HS3ST5: variants seen among roughly 807,000 people sequenced by gnomAD.
HS3ST5 encodes the protein heparan sulfate-glucosamine 3-sulfotransferase 5.
Under a neutral mutation model 25.4 loss-of-function variants are expected in HS3ST5, and 10 were observed. That is an observed-to-expected ratio of 0.39 (90% CI 0.24 to 0.67). The LOEUF is 0.67. HS3ST5 is among the 30% of genes least tolerant of loss of function. HS3ST5 has a pLI of 0.44. For synonymous variants in HS3ST5, 170 were observed against 162.4 expected, an observed-to-expected ratio of 1.05 and a Z score of -0.36; for missense variants, 324 against 420.7, an observed-to-expected ratio of 0.77 and a Z score of 2.01.
At chr6:114,212,301 C>G (rs1781541091) in intron 2 of HS3ST5, among the ~76,000 whole-genome samples, 1 of 152,190 alleles carries the variant, frequency 6.6e-6, no homozygotes, top group African/African-American at 2.4e-5. Flanking sequence ...AATATATTTT[C>G]TCTACAGAGA....
intron 2 of HS3ST5, among the ~76,000 whole-genome samples, chr6:114,190,795 T>C (rs1780463237): frequency 1.3e-5 from 2 of 152,198 alleles, no homozygotes; most frequent in Non-Finnish European, 2.9e-5. Flanking sequence ...TTCTTGGTCT[T>C]TTAGAACTTC....
intron 3 of HS3ST5, among the ~76,000 whole-genome samples, chr6:114,104,148 A>G (rs955512339): frequency 2.0e-5 from 3 of 152,164 alleles, no homozygotes; most frequent in Admixed American, 1.3e-4. Context: ...ATCATGACAG[A>G]TAAGTGACAG....
chr6:114,189,077 T>C (rs1163895328), intron 2 of HS3ST5, among the ~76,000 whole-genome samples: 1 of 152,130 alleles, frequency 6.6e-6, no homozygotes, highest in East Asian at 1.9e-4. Context: ...CTGTAAGGGC[T>C]TCTTGAGAAA....
rs144772255 is a variant in HS3ST5 at position 114,090,824 on chromosome 6, T to C, written c.-32-27947A>G. The stretch of plus-strand genomic sequence containing the variant: ...AATGAAGTTATCTTGCTAATTAACC[T>C]GGACGGTGACGTGAATTTTGCTGCA... On this transcript the variant is annotated intron_variant, in intron 3 of 4. Coordinates refer to ENST00000312719, the MANE Select transcript of HS3ST5 (RefSeq NM_153612.4). Among the ~76,000 whole-genome samples, 267 of 152,366 alleles carry C rather than the reference T, an allele frequency of 1.8e-3. 1 individual carries two copies. The highest frequency in any genetic ancestry group is 6.1e-3 in the African/African-American group (254 of 41,588).
chr6:114,174,601 G>A (rs1412975627), intron 2 of HS3ST5, among the ~76,000 whole-genome samples: 3 of 152,088 alleles, frequency 2.0e-5, no homozygotes, highest in African/African-American at 7.2e-5. Flanking sequence ...TACCAAAGTC[G>A]ATATGGGTTA....
At chr6:114,140,610 C>G (rs1777856775) in intron 3 of HS3ST5, among the ~76,000 whole-genome samples, 1 of 152,198 alleles carries the variant, frequency 6.6e-6, no homozygotes. Flanking sequence ...TCTACCCTCA[C>G]CTTGGCTGTG....
intron 3 of HS3ST5, among the ~76,000 whole-genome samples, chr6:114,156,139 C>T (rs1371433603): frequency 2.6e-5 from 4 of 152,194 alleles, no homozygotes; most frequent in Non-Finnish European, 5.9e-5. Context: ...TGACTCTGTA[C>T]ACGCAAGGAC....
intron 3 of HS3ST5, among the ~76,000 whole-genome samples, chr6:114,105,912 G>C (rs551204455): frequency 3.7e-4 from 56 of 152,220 alleles, no homozygotes; most frequent in African/African-American, 1.3e-3. Flanking sequence ...TTATGAAATA[G>C]ATTGCACACA....
intron 1 of HS3ST5, among the ~76,000 whole-genome samples, chr6:114,298,958 G>A (rs1774948167): frequency 6.6e-6 from 1 of 152,014 alleles, no homozygotes; most frequent in South Asian, 2.1e-4. Flanking sequence ...TATGAAATCT[G>A]GGCACCTTAA....
intron 3 of HS3ST5, among the ~76,000 whole-genome samples, chr6:114,131,715 C>T (rs117823653): frequency 0.058 from 8,820 of 152,220 alleles, 310 homozygotes; most frequent in Non-Finnish European, 0.08. Context: ...TATCTGATTA[C>T]GTTTCTTTTT....
intron 1 of HS3ST5, among the ~76,000 whole-genome samples, chr6:114,283,391 A>G (rs991867279): frequency 6.6e-6 from 1 of 152,152 alleles, no homozygotes; most frequent in Non-Finnish European, 1.5e-5. Context: ...TTGGCAGCTT[A>G]GTAACAATAT....
intron 3 of HS3ST5, among the ~76,000 whole-genome samples, chr6:114,078,466 G>C (rs1245279742): frequency 2.6e-5 from 4 of 152,006 alleles, no homozygotes; most frequent in Non-Finnish European, 4.4e-5. Flanking sequence ...CAAAGTGCTG[G>C]GATTACAGGC....
chr6:114,215,941 A>G (rs1279008465), intron 2 of HS3ST5, among the ~76,000 whole-genome samples: 1 of 152,140 alleles, frequency 6.6e-6, no homozygotes, highest in African/African-American at 2.4e-5. Flanking sequence ...ACTGACATCT[A>G]AAGGAGCGGA....
chr6:114,157,978 T>C (rs569786911), intron 3 of HS3ST5, among the ~76,000 whole-genome samples: 2 of 152,284 alleles, frequency 1.3e-5, no homozygotes, highest in East Asian at 3.9e-4. Flanking sequence ...CACTCCTCCC[T>C]AACCTGATTA....
chr6:114,341,845 G>A (rs1053849281), intron 1 of HS3ST5, among the ~76,000 whole-genome samples: 1 of 152,096 alleles, frequency 6.6e-6, no homozygotes, highest in Non-Finnish European at 1.5e-5. Context: ...ACTCTGGCGA[G>A]CGCAGTAAAC....
intron 1 of HS3ST5, among the ~76,000 whole-genome samples, chr6:114,234,628 C>T (rs1169065511): frequency 2.6e-5 from 4 of 151,992 alleles, no homozygotes; most frequent in Non-Finnish European, 4.4e-5. Context: ...ATAAGATTAA[C>T]GGAATGATGG....
At chr6:114,068,596 C>T (rs375652756) in intron 3 of HS3ST5, among the ~76,000 whole-genome samples, 8 of 152,298 alleles carry the variant, frequency 5.3e-5, no homozygotes, top group African/African-American at 7.2e-5. Context: ...GCTGTTAAAT[C>T]GGGTAGAGTG....
chr6:114,189,705 T>C (rs562908957), intron 2 of HS3ST5, among the ~76,000 whole-genome samples: 72 of 152,336 alleles, frequency 4.7e-4, no homozygotes, highest in African/African-American at 1.7e-3. Flanking sequence ...CTTTTTCCAC[T>C]GAGGCAGTAT....
chr6:114,308,613 A>C (rs1222141497), intron 1 of HS3ST5, among the ~76,000 whole-genome samples: 1 of 151,948 alleles, frequency 6.6e-6, no homozygotes, highest in Non-Finnish European at 1.5e-5. Context: ...AACAAAAACT[A>C]ACTAGATGGC....
Sources: allele counts gnomAD v4.1 joint callset (sites outside exome capture counted in the v4.1 genomes callset), GRCh38; gene constraint gnomAD v4.1.1; transcripts MANE v1.5; gene names NCBI Gene and HGNC (gene_info 2026-07-23, HGNC 2026-07-21).